The following TMED3 variants were observed in gnomAD, a reference collection of about 807,000 sequenced individuals.
TMED3 encodes the protein transmembrane emp24 domain-containing protein 3.
In TMED3, 9 loss-of-function variants were observed where a neutral mutation model predicts 15.0. That is an observed-to-expected ratio of 0.60 (90% CI 0.36 to 1.04). The LOEUF (loss-of-function observed/expected upper bound fraction) is 1.04. TMED3 is among the 50% of genes least tolerant of loss of function. TMED3 has a pLI of 0.01. For missense variants in TMED3, 267 were observed against 278.9 expected (o/e 0.96, Z 0.30); for synonymous variants, 117 against 121.4 (o/e 0.96, Z 0.24).
rs1472124460 is a variant in TMED3 at position 79,380,446 on chromosome 15, A to G, written c.418-30954A>G. Among the ~76,000 whole-genome samples the G allele has an allele frequency of 2.1e-5, 3 of 144,304 alleles. No individual in the cohort carries two copies. The East Asian group carries it at 5.8e-4, about 28-fold the overall frequency. The allele number at this position is 144,304 out of a possible 152,430, so 94.7% of individuals were successfully genotyped here. A position where few individuals can be genotyped will look rare whatever the true frequency, so the allele number is the denominator to read the frequency against. ...TATAGTTATATATATAGTTATATAT[A>G]GTTATATATGTTATATATGGTTATA... On this transcript the variant is annotated intron_variant, in intron 2 of 2. Coordinates refer to the TMED3 transcript ENST00000424155.
At chr15:79,338,777 G>A (rs1186281853) in intron 2 of TMED3, among the ~76,000 whole-genome samples, 2 of 152,192 alleles carry the variant, frequency 1.3e-5, no homozygotes, top group African/African-American at 4.8e-5. Context: ...TGCCCAGACA[G>A]GGCCACCAGA....
exon 3 of TMED3, chr15:79,413,611 G>C (rs191144760): frequency 6.6e-6 from 1 of 152,356 alleles, no homozygotes; most frequent in African/African-American, 2.4e-5. Flanking sequence ...GTGTTCATTT[G>C]AACATAGATC....
chr15:79,322,130 G>A lies in TMED3; in HGVS notation c.570G>A (p.Leu190=). 4.3e-6 allele frequency: 7 copies of A among 1,614,214 alleles called. No homozygotes were observed. Among genetic ancestry groups the A allele is most frequent in the Non-Finnish European group, 5.9e-6 (7 of 1,180,046 alleles). The change falls in exon 3 of 3, where the codon CTG becomes CTA. Residue 190 remains leucine, a synonymous_variant. Coordinates refer to ENST00000299705, the MANE Select transcript of TMED3 (RefSeq NM_007364.4). ...SYWSVGETIA[L]FVVSFSQVLL... The stretch of plus-strand genomic sequence containing the variant: ...GGTCTGTTGGCGAGACGATTGCCCT[G>A]TTCGTGGTCAGCTTCAGTCAGGTGC...
At chr15:79,358,206 G>C (rs9788773) in intron 2 of TMED3, among the ~76,000 whole-genome samples, 71,142 of 152,068 alleles carry the variant, frequency 0.47, 16,882 homozygotes, top group African/African-American at 0.53. Context: ...GGAGGAGGCT[G>C]TGTCCGAGGA....
exon 3 of TMED3, chr15:79,413,312 A>G (rs1407908638): frequency 1.3e-5 from 2 of 152,240 alleles, no homozygotes; most frequent in Non-Finnish European, 1.5e-5. Context: ...TGGCAGGTCA[A>G]TCGTTTGCAA....
chr15:79,389,156 T>C (rs1893665190), intron 2 of TMED3, among the ~76,000 whole-genome samples: 1 of 152,176 alleles, frequency 6.6e-6, no homozygotes, highest in Non-Finnish European at 1.5e-5. Context: ...GGTCATAAAA[T>C]CCTTGCCTAA....
At chr15:79,409,342 A>G (rs1893941663) in intron 2 of TMED3, among the ~76,000 whole-genome samples, 1 of 152,144 alleles carries the variant, frequency 6.6e-6, no homozygotes, top group Admixed American at 6.5e-5. Context: ...TATAGATAAA[A>G]CCATTATAGG....
intron 2 of TMED3, among the ~76,000 whole-genome samples, chr15:79,367,075 G>C (rs1893250042): frequency 6.6e-6 from 1 of 152,068 alleles, no homozygotes; most frequent in Non-Finnish European, 1.5e-5. Context: ...ATTTTCTCCT[G>C]ACCCCAGCTG....
intron 2 of TMED3, among the ~76,000 whole-genome samples, chr15:79,381,173 T>C (rs1893528593): frequency 1.3e-5 from 2 of 152,140 alleles, no homozygotes; most frequent in Admixed American, 6.5e-5. Context: ...TGCTCACTGG[T>C]ATAGAGTCCC....
chr15:79,409,691 T>C lies in TMED3; in HGVS notation c.418-1709T>C, dbSNP rs532642455. 3.9e-5 allele frequency among the ~76,000 whole-genome samples: 6 copies of C among 152,344 alleles called. No homozygotes were observed. In the South Asian group the frequency reaches 1.2e-3, roughly 32 times the overall value. On this transcript the variant is annotated intron_variant, in intron 2 of 2. Transcript: ENST00000424155. ...CTGAATGTTTTCCTCAGCCTTCTGCTCTTATTAGAAAGTTTTGGTTCGTAT... is the reference window on the plus strand; with the variant it reads ...CTGAATGTTTTCCTCAGCCTTCTGCCCTTATTAGAAAGTTTTGGTTCGTAT...
At chr15:79,351,071 G>C (rs1047483459) in intron 2 of TMED3, among the ~76,000 whole-genome samples, 2 of 152,210 alleles carry the variant, frequency 1.3e-5, no homozygotes, top group Non-Finnish European at 2.9e-5. Flanking sequence ...TCATGGCTAA[G>C]TGACCTCAAT....
Position 79,322,485 on chromosome 15 carries a change from G to A in TMED3, c.*271G>A, listed in dbSNP as rs2058772190. 2.4e-6 allele frequency: 3 copies of A among 1,275,344 alleles called. No homozygotes were observed. The highest frequency in any genetic ancestry group is 3.0e-4 in the Middle Eastern group (1 of 3,340). The allele number at this position is 1,275,344 out of a possible 1,614,324, so 79.0% of individuals were successfully genotyped here. A position where few individuals can be genotyped will look rare whatever the true frequency, so the allele number is the denominator to read the frequency against. On this transcript the variant is annotated 3_prime_UTR_variant, in exon 3 of 3. Coordinates refer to ENST00000299705, the MANE Select transcript of TMED3 (RefSeq NM_007364.4). ...AGGGATTAGCCACTGTGGGAGGGTG[G>A]ACAGGCAATGGTTCAGTGGCCTGGC...
At chr15:79,316,946 T>A (rs1235458271) in intron 2 of TMED3, among the ~76,000 whole-genome samples, 1 of 152,136 alleles carries the variant, frequency 6.6e-6, no homozygotes, top group Non-Finnish European at 1.5e-5. Context: ...TAACTGAAGA[T>A]CTCAGCGGAT....
At chr15:79,351,214 TG>T (rs776812024) in intron 2 of TMED3, among the ~76,000 whole-genome samples, 1 of 152,214 alleles carries the variant, frequency 6.6e-6, no homozygotes, top group African/African-American at 2.4e-5. Context: ...CAGGTGACCA[TG>T]GGCAAGCCAC....
At chr15:79,325,669 G>C (rs540703001), downstream of TMED3, among the ~76,000 whole-genome samples, 4 of 152,142 alleles carry the variant, frequency 2.6e-5, no homozygotes, top group Non-Finnish European at 5.9e-5. Context: ...TAGAGGCTCA[G>C]TCCGAGTCCA....
intron 2 of TMED3, among the ~76,000 whole-genome samples, chr15:79,380,919 GT>G (rs757662205): frequency 2.2e-4 from 33 of 152,068 alleles, no homozygotes; most frequent in African/African-American, 8.0e-4. Flanking sequence ...ACATCCTGCA[GT>G]TTTTTTACAG....
intron 2 of TMED3, among the ~76,000 whole-genome samples, chr15:79,358,030 T>G (rs1490980339): frequency 6.6e-6 from 1 of 152,188 alleles, no homozygotes; most frequent in East Asian, 1.9e-4. Flanking sequence ...ATACGTTCAT[T>G]TATCAGATAA....
intron 2 of TMED3, among the ~76,000 whole-genome samples, chr15:79,352,990 TTATGTTATATAAAATA>T (rs1489591714): frequency 1.0e-5 from 1 of 99,140 alleles, no homozygotes; most frequent in Admixed American, 1.4e-4. Context: ...AAATTATATA[TTATGTTATATAAAATA>T]TATATTATAT....
intron 2 of TMED3, among the ~76,000 whole-genome samples, chr15:79,393,552 G>T (rs1893723929): frequency 6.6e-6 from 1 of 152,202 alleles, no homozygotes; most frequent in Non-Finnish European, 1.5e-5. Context: ...AAAACTTCAA[G>T]TGGAAGTGTT....
Sources: allele counts gnomAD v4.1 joint callset (sites outside exome capture counted in the v4.1 genomes callset), GRCh38; gene constraint gnomAD v4.1.1; transcripts MANE v1.5; gene names NCBI Gene and HGNC (gene_info 2026-07-23, HGNC 2026-07-21).